Variants in RBM46 observed in about 807,000 individuals in gnomAD.
RBM46 encodes the protein probable RNA-binding protein 46.
Under a neutral mutation model 43.3 loss-of-function variants are expected in RBM46, and 12 were observed. The ratio of observed to expected loss-of-function variants is 0.28; its 90% CI spans 0.18 to 0.45. RBM46 has a LOEUF of 0.45. Among genes scored for constraint, RBM46 ranks in the 20% least tolerant of loss-of-function variants. RBM46 has a pLI of 1.00. For missense variants in RBM46, 412 were observed against 639.1 expected (o/e 0.64, Z 3.83); for synonymous variants, 205 against 207.6 (o/e 0.99, Z 0.11).
At chr4:154,792,214 T>G (rs532336976) in intron 1 of RBM46, among the ~76,000 whole-genome samples, 4 of 152,166 alleles carry the variant, frequency 2.6e-5, no homozygotes, top group Non-Finnish European at 5.9e-5. Context: ...TTTATGTATT[T>G]TTAAACTGGA....
chr4:154,807,509 A>G (rs571639004), intron 4 of RBM46, among the ~76,000 whole-genome samples: 1 of 152,000 alleles, frequency 6.6e-6, no homozygotes, highest in African/African-American at 2.4e-5. Flanking sequence ...GAAGATGTAG[A>G]ATGATGGTTT....
chr4:154,786,011 A>T (rs868603342), intron 1 of RBM46, among the ~76,000 whole-genome samples: 1 of 152,210 alleles, frequency 6.6e-6, no homozygotes, highest in African/African-American at 2.4e-5. Flanking sequence ...AATGCTCTTA[A>T]TTTTAAAGGA....
At chr4:154,814,195 A>G (rs978374116) in intron 4 of RBM46, among the ~76,000 whole-genome samples, 10 of 151,966 alleles carry the variant, frequency 6.6e-5, no homozygotes, top group Non-Finnish European at 1.5e-5. Flanking sequence ...TTTTACAGAG[A>G]GGTGGTAAAG....
At chr4:154,796,718 C>T (rs1297115093) in intron 1 of RBM46, 24 bp from the exon 2 acceptor site, 9 of 1,499,010 alleles carry the variant, frequency 6.0e-6, no homozygotes, top group Non-Finnish European at 8.2e-6. Context: ...TAAACTTAAC[C>T]AGTGTTATTA....
At chr4:154,817,096 G>A (rs2111197104) in intron 4 of RBM46, among the ~76,000 whole-genome samples, 1 of 151,826 alleles carries the variant, frequency 6.6e-6, no homozygotes, top group African/African-American at 2.4e-5. Flanking sequence ...TTTTACATCT[G>A]TGTTCATTAG....
Position 154,799,175 on chromosome 4 carries a change from A to G in RBM46, c.1013A>G (p.Glu338Gly). The change falls in exon 4 of 5, where the codon GAG becomes GGG. Residue 338 changes from glutamate (E) to glycine (G), a missense_variant. By Grantham distance (98) the Glu-to-Gly change is moderately conservative (BLOSUM62 -2). This residue lies in a region of RBM46 where 105 missense variants were observed against 111.0 expected (regional missense o/e 0.95). Transcript: ENST00000281722. ...CTGATTGTGTTTGCTAACAAAGAAG[A>G]GAGCCACCCAAAAACTCTAGGCAAG... ...ENLIVFANKE[E>G]SHPKTLGKLP... 2 of 1,614,166 alleles carry G rather than the reference A, an allele frequency of 1.2e-6. No individual in the cohort carries two copies. Among genetic ancestry groups the G allele is most frequent in the Non-Finnish European group, 1.7e-6 (2 of 1,180,038 alleles).
chr4:154,804,136 AAAGC>A (rs1336162033), intron 4 of RBM46, among the ~76,000 whole-genome samples: 10 of 152,276 alleles, frequency 6.6e-5, no homozygotes, highest in Admixed American at 2.0e-4. Context: ...CCATGCTTGT[AAAGC>A]TTACAGAACT....
intron 1 of RBM46, among the ~76,000 whole-genome samples, chr4:154,792,543 G>T (rs1414629123): frequency 6.6e-6 from 1 of 152,170 alleles, no homozygotes; most frequent in East Asian, 1.9e-4. Context: ...GAAATGAAAG[G>T]CTAGACCCTT....
intron 4 of RBM46, among the ~76,000 whole-genome samples, chr4:154,802,775 G>T (rs1734701716): frequency 6.6e-6 from 1 of 151,812 alleles, no homozygotes. Context: ...TTTTCTTTGG[G>T]GATAGTAATT....
intron 1 of RBM46, chr4:154,781,695 CTT>C (rs1447744455): frequency 1.3e-5 from 2 of 152,458 alleles, no homozygotes; most frequent in Non-Finnish European, 2.9e-5. Context: ...CGGCCAGTCT[CTT>C]TGGGGCGTCT....
At chr4:154,796,988 A>C in intron 2 of RBM46, 85 bp downstream of exon 2, 1 of 1,139,562 alleles carries the variant, frequency 8.8e-7, no homozygotes, top group South Asian at 1.6e-5. Context: ...TATTCCAAAC[A>C]ATAGCTCTCT....
intron 1 of RBM46, among the ~76,000 whole-genome samples, chr4:154,790,942 A>C (rs1734057750): frequency 6.6e-6 from 1 of 152,184 alleles, no homozygotes; most frequent in Non-Finnish European, 1.5e-5. Context: ...GCTGAATTTC[A>C]ACCGACAATA....
intron 1 of RBM46, among the ~76,000 whole-genome samples, chr4:154,787,604 G>T (rs1403856483): frequency 6.6e-6 from 1 of 152,092 alleles, no homozygotes. Flanking sequence ...TGGGGTTGGT[G>T]TGAAGTCTTT....
intron 4 of RBM46, among the ~76,000 whole-genome samples, chr4:154,805,184 AT>A (rs1165087434): frequency 6.6e-6 from 1 of 152,186 alleles, no homozygotes; most frequent in African/African-American, 2.4e-5. Context: ...AGTTGAAAAG[AT>A]GTAAACATTA....
intron 4 of RBM46, among the ~76,000 whole-genome samples, chr4:154,802,594 A>G (rs1734690967): frequency 6.6e-6 from 1 of 152,188 alleles, no homozygotes; most frequent in African/African-American, 2.4e-5. Context: ...ATCCTAGTAA[A>G]TACTTACGTA....
intron 1 of RBM46, among the ~76,000 whole-genome samples, chr4:154,787,859 T>C (rs1205138310): frequency 3.3e-5 from 5 of 152,200 alleles, no homozygotes; most frequent in African/African-American, 9.6e-5. Context: ...TTTCCTGACT[T>C]ATTAATAGTC....
intron 4 of RBM46, among the ~76,000 whole-genome samples, chr4:154,820,972 A>G (rs1735695323): frequency 6.6e-6 from 1 of 151,824 alleles, no homozygotes; most frequent in African/African-American, 2.4e-5. Context: ...CTAGGATGTA[A>G]TTCATGTACT....
Position 154,827,997 on chromosome 4 carries a change from C to CA in RBM46, c.1534dup (p.Ile512AsnfsTer5). 1.2e-6 allele frequency: 2 copies of CA among 1,613,998 alleles called. No individual in the cohort carries two copies. The highest frequency in any genetic ancestry group is 1.7e-6 in the Non-Finnish European group (2 of 1,179,900). Reference sequence around the variant, plus strand: ...TATCCAGGCTATCCTTTGTCACCAACAATATCACTTGCTAATGGCAGCCAT... The same window carrying CA: ...TATCCAGGCTATCCTTTGTCACCAACAAATATCACTTGCTAATGGCAGCCAT... On this transcript the variant is annotated frameshift_variant, in exon 5 of 5. Coordinates refer to ENST00000281722, the MANE Select transcript of RBM46 (RefSeq NM_144979.5). LOFTEE classifies it high-confidence loss of function.
intron 4 of RBM46, among the ~76,000 whole-genome samples, chr4:154,801,388 G>C (rs1025848565): frequency 1.3e-5 from 2 of 152,136 alleles, no homozygotes; most frequent in African/African-American, 4.8e-5. Context: ...CATCATTGAA[G>C]CTAATAAATT....
Sources: gnomAD v4.1 joint callset for allele counts (sites outside exome capture counted in the v4.1 genomes callset) on GRCh38, gnomAD v4.1.1 for gene constraint, gnomAD v4.1.1 regional missense constraint, MANE v1.5 for transcripts, NCBI Gene and HGNC (gene_info 2026-07-23, HGNC 2026-07-21) for gene names.